Variants in CAST observed in about 807,000 individuals in gnomAD.
CAST encodes the protein calpastatin.
CAST carries 76 observed loss-of-function variants against 119.6 expected under a neutral mutation model. The ratio of observed to expected loss-of-function variants is 0.64; its 90% CI spans 0.53 to 0.77. The LOEUF (loss-of-function observed/expected upper bound fraction) is 0.77. Ranked by LOEUF, CAST falls within the 30% of genes least tolerant of loss-of-function variation. The probability of loss-of-function intolerance (pLI) is 0.00; values close to 1 mark genes in which losing one functional copy is unlikely to be tolerated. For synonymous variants in CAST, 319 were observed against 331.6 expected (o/e 0.96, Z 0.41); for missense variants, 953 against 946.5 (o/e 1.01, Z -0.09).
At chr5:96,028,912 A>G in the CAST span, among the ~76,000 whole-genome samples, 1 of 152,158 alleles carries the variant, frequency 6.6e-6, no homozygotes, top group Non-Finnish European at 1.5e-5. Context: ...TGGTGATAAC[A>G]TGGTGGATAA....
At chr5:96,018,307 A>C in the CAST span, among the ~76,000 whole-genome samples, 1 of 152,176 alleles carries the variant, frequency 6.6e-6, no homozygotes, top group African/African-American at 2.4e-5. Flanking sequence ...AACAAACCTC[A>C]TTTATTTACT....
At chr5:96,649,003 G>A (rs946840389) in intron 1 of CAST, among the ~76,000 whole-genome samples, 1 of 152,126 alleles carries the variant, frequency 6.6e-6, no homozygotes, top group African/African-American at 2.4e-5. Context: ...CTCTGTCGAT[G>A]TATGGCTATA....
chr5:96,410,913 C>T, the CAST span: 3 of 1,613,384 alleles, frequency 1.9e-6, no homozygotes, highest in Non-Finnish European at 2.5e-6. Context: ...GTAGCCATCA[C>T]AGTCACAATT....
chr5:96,129,805 G>A, the CAST span, among the ~76,000 whole-genome samples: 1 of 151,934 alleles, frequency 6.6e-6, no homozygotes, highest in South Asian at 2.1e-4. Context: ...ACTTTGACAA[G>A]TAGAAAAGTT....
At chr5:96,676,571 T>C (rs1750736220) in intron 2 of CAST, among the ~76,000 whole-genome samples, 1 of 152,100 alleles carries the variant, frequency 6.6e-6, no homozygotes, top group Admixed American at 6.5e-5. Context: ...ATGAAAATAA[T>C]TTAGATTGTT....
the CAST span, among the ~76,000 whole-genome samples, chr5:96,400,449 C>G: frequency 8.4e-4 from 128 of 152,308 alleles, no homozygotes; most frequent in African/African-American, 2.9e-3. Flanking sequence ...ATTCAGTCCT[C>G]AGCAATATAG....
Position 96,746,373 on chromosome 5 carries a change from G to A in CAST, c.1232G>A (p.Cys411Tyr). 6.2e-7 allele frequency: 1 copy of A among 1,612,632 alleles called. No homozygotes were observed. The highest frequency in any genetic ancestry group is 8.5e-7 in the Non-Finnish European group (1 of 1,178,620). Residue 411 changes from cysteine (C) to tyrosine (Y), a missense_variant, in exon 17 of 32, where the codon TGT (cysteine) becomes TAT (tyrosine). By Grantham distance (194) the Cys-to-Tyr change is radical (BLOSUM62 -2). Transcript: ENST00000675179. ...GCTAAAGAAGAAAAACTAGAGAAGT[G>A]TGGTGAGGATGATGAAACAATCCCA... ...AKAKEEKLEK[C>Y]GEDDETIPSE...
Position 96,551,870 on chromosome 5 carries a change from A to G in CAST, c.60+21990A>G, listed in dbSNP as rs1038469446. 8.5e-5 allele frequency among the ~76,000 whole-genome samples: 13 copies of G among 152,212 alleles called. No homozygotes were observed. The East Asian group carries it at 1.2e-3, about 13-fold the overall frequency. On this transcript the variant is annotated intron_variant, in intron 1 of 11. Transcript: ENST00000505143. ...ATCAATTCAACAAGAAGAGCAAACT[A>G]TCCTAAATATATATGCACCCAATAG...
At chr5:96,556,405 C>T (rs1746241348) in intron 1 of CAST, among the ~76,000 whole-genome samples, 1 of 152,112 alleles carries the variant, frequency 6.6e-6, no homozygotes, top group Non-Finnish European at 1.5e-5. Context: ...GAAGATCAAA[C>T]TACTCAGAGC....
chr5:96,041,837 A>G, the CAST span, among the ~76,000 whole-genome samples: 3 of 152,152 alleles, frequency 2.0e-5, no homozygotes, highest in Non-Finnish European at 4.4e-5. Flanking sequence ...TTTTCTTCTG[A>G]GAATCTACCT....
intron 1 of CAST, among the ~76,000 whole-genome samples, chr5:96,578,239 C>G (rs1478182499): frequency 6.6e-6 from 1 of 151,820 alleles, no homozygotes; most frequent in Non-Finnish European, 1.5e-5. Flanking sequence ...TAAATATAGC[C>G]AATTCTGCCT....
the CAST span, among the ~76,000 whole-genome samples, chr5:96,352,784 G>A: frequency 6.6e-6 from 1 of 152,050 alleles, no homozygotes; most frequent in East Asian, 1.9e-4. Flanking sequence ...GATGATGGGA[G>A]TGGATTTTCT....
the CAST span, among the ~76,000 whole-genome samples, chr5:96,218,706 A>C: frequency 2.0e-5 from 3 of 152,168 alleles, no homozygotes; most frequent in Non-Finnish European, 4.4e-5. Context: ...TAACTCCTAC[A>C]TGTGCTAGGT....
chr5:96,609,285 A>T (rs989496083), intron 1 of CAST, among the ~76,000 whole-genome samples: 1 of 152,218 alleles, frequency 6.6e-6, no homozygotes, highest in African/African-American at 2.4e-5. Flanking sequence ...TCTCTGTTAC[A>T]TAGGTTGACA....
At chr5:96,197,117 C>T in the CAST span, among the ~76,000 whole-genome samples, 2 of 152,170 alleles carry the variant, frequency 1.3e-5, no homozygotes, top group African/African-American at 4.8e-5. Context: ...GCTGTTAGGC[C>T]ACTGCCTCCT....
At chr5:96,675,772 A>G (rs536094736) in intron 2 of CAST, 171 bp downstream of exon 2, 47 of 548,002 alleles carry the variant, frequency 8.6e-5, no homozygotes, top group Non-Finnish European at 1.4e-4. Flanking sequence ...CTAAAAATAA[A>G]TAAAAAAAAT....
chr5:96,048,467 AT>A, the CAST span, among the ~76,000 whole-genome samples: 1 of 152,140 alleles, frequency 6.6e-6, no homozygotes, highest in South Asian at 2.1e-4. Flanking sequence ...ATTCGTTTTC[AT>A]TTTCTAACTT....
rs1030143184 is a variant in CAST at position 96,671,811 on chromosome 5, G to A, written c.76-3728G>A. ...GTGGTCAGCAGAGTTTTCTCTCTTC[G>A]CTCTTTAGAAAGACGCCTGCAGATT... On this transcript the variant is annotated intron_variant, in intron 1 of 31. Coordinates refer to ENST00000675179, the MANE Select transcript of CAST (RefSeq NM_001750.7). 2.0e-5 allele frequency among the ~76,000 whole-genome samples: 3 copies of A among 152,138 alleles called. No individual in the cohort carries two copies. The South Asian group carries it at 6.2e-4, about 32-fold the overall frequency.
At chr5:96,572,270 G>A (rs573492135) in intron 1 of CAST, among the ~76,000 whole-genome samples, 6 of 151,536 alleles carry the variant, frequency 4.0e-5, no homozygotes, top group East Asian at 3.9e-4. Flanking sequence ...GCACGATCTC[G>A]GCTGACTGCA....
Sources: gnomAD v4.1 joint callset for allele counts (sites outside exome capture counted in the v4.1 genomes callset) on GRCh38, gnomAD v4.1.1 for gene constraint, MANE v1.5 for transcripts, NCBI Gene and HGNC (gene_info 2026-07-23, HGNC 2026-07-21) for gene names.